TOP1MT: variants seen among roughly 807,000 people sequenced by gnomAD.
The protein encoded by TOP1MT is DNA topoisomerase I, mitochondrial.
TOP1MT carries 80 observed loss-of-function variants against 73.9 expected under a neutral mutation model. The ratio of observed to expected loss-of-function variants is 1.08; its 90% CI spans 0.90 to 1.30. TOP1MT has a LOEUF of 1.30. Among genes scored for constraint, TOP1MT ranks in the 50% most tolerant of loss-of-function variants. The pLI, the probability that TOP1MT is intolerant of heterozygous loss-of-function variation, is 0.00. For synonymous variants in TOP1MT, 338 were observed against 326.4 expected, an observed-to-expected ratio of 1.04 and a Z score of -0.38; for missense variants, 815 against 808.0, an observed-to-expected ratio of 1.01 and a Z score of -0.10.
At position 143,325,333 on chromosome 8, in the gene TOP1MT, C is replaced by A. The variant is rs1451759185; in HGVS notation, c.671+13G>T. The A allele has an allele frequency of 6.3e-7, 1 of 1,577,500 alleles. No individual in the cohort carries two copies. The highest frequency in any genetic ancestry group is 8.7e-7 in the Non-Finnish European group (1 of 1,155,872). ...GGGTCCAGTGCCCGCCTGCTGCCCG[C>A]CCGGCCACGCACCTGCTGCAGTTGA... On this transcript the variant is annotated intron_variant, in intron 5 of 13. Transcript: ENST00000329245.
chr8:143,312,737 A>G (rs1025735086), intron 12 of TOP1MT, among the ~76,000 whole-genome samples: 1 of 152,244 alleles, frequency 6.6e-6, no homozygotes, highest in Admixed American at 6.5e-5. Flanking sequence ...TAAAAGGCAT[A>G]TGATTGGAAA....
chr8:143,321,641 CCACACACAG>C (rs1816380186), intron 7 of TOP1MT, among the ~76,000 whole-genome samples: 1 of 75,096 alleles, frequency 1.3e-5, no homozygotes, highest in East Asian at 7.0e-4. Flanking sequence ...CACAGGCACG[CCACACACAG>C]GCACGCCACA....
In TOP1MT at chr8:143,333,109, T is replaced by A. The variant is rs148663582; in HGVS notation, c.122+1631A>T. Among the ~76,000 whole-genome samples, 743 of 151,882 alleles carry A rather than the reference T, an allele frequency of 4.9e-3. 3 individuals carry two copies. The highest frequency in any genetic ancestry group is 0.017 in the African/African-American group (715 of 41,412). ...TTCTTAGAGAATAAGGGAAGATGGA[T>A]CATGTCGGGTGTGAGAAAATGGGAA... is the stretch of plus-strand genomic sequence containing the variant. On this transcript the variant is annotated intron_variant, in intron 1 of 13. Transcript: ENST00000329245.
rs28460765 is a variant in TOP1MT, at chr8:143,354,827, G to A, written c.-39+1138C>T. ...ACCAGAACAGGTCCAGAGCAAGTCC[G>A]GGGCTGCTGCATGGTCAGACCACAC... On this transcript the variant is annotated intron_variant, in intron 1 of 5. Transcript: ENST00000518760. Among the ~76,000 whole-genome samples, 186 of 152,222 alleles carry A rather than the reference G, an allele frequency of 1.2e-3. 1 individual carries two copies. The highest frequency in any genetic ancestry group is 4.4e-3 in the African/African-American group (181 of 41,512).
chr8:143,322,993 C>T (rs1412440692), intron 7 of TOP1MT, among the ~76,000 whole-genome samples: 23 of 126,350 alleles, frequency 1.8e-4, no homozygotes, highest in African/African-American at 6.5e-4. Flanking sequence ...CACACACGCA[C>T]GCCACACACA....
Position 143,325,352 on chromosome 8 carries a change from C to A in TOP1MT, c.665G>T (p.Cys222Phe). 1.3e-6 allele frequency: 2 copies of A among 1,587,352 alleles called. No individual in the cohort carries two copies. The highest frequency in any genetic ancestry group is 1.7e-6 in the Non-Finnish European group (2 of 1,159,734). The change falls in exon 5 of 14, where the codon TGC becomes TTC. Residue 222 changes from cysteine to phenylalanine, a missense_variant. Cys to Phe is a radical substitution (Grantham distance 205). Around this residue, in one of 3 missense-constraint regions of TOP1MT, gnomAD observed 751 missense variants for 725.4 expected, o/e 1.04. Transcript: ENST00000329245. ...RITPEDVVIN[C>F]SRDSKIPEPP... ...TGCCCGCCCGGCCACGCACCTGCTG[C>A]AGTTGATAACCACATCCTCTGGCGT...
chr8:143,322,472 C>CA (rs1816474411), intron 7 of TOP1MT, among the ~76,000 whole-genome samples: 2 of 113,158 alleles, frequency 1.8e-5, no homozygotes, highest in African/African-American at 3.5e-5. Flanking sequence ...CACAGGCACG[C>CA]CACACAGGCA....
chr8:143,325,333 C>T lies in TOP1MT; in HGVS notation c.671+13G>A. 6.3e-7 allele frequency: 1 copy of T among 1,577,500 alleles called. No homozygotes were observed. Among genetic ancestry groups the T allele is most frequent in the Non-Finnish European group, 8.7e-7 (1 of 1,155,872 alleles). On this transcript the variant is annotated intron_variant, in intron 5 of 13. Coordinates refer to ENST00000329245, the MANE Select transcript of TOP1MT (RefSeq NM_052963.3). ...GGGTCCAGTGCCCGCCTGCTGCCCG[C>T]CCGGCCACGCACCTGCTGCAGTTGA...
At chr8:143,323,269 C>T (rs1362352788) in intron 7 of TOP1MT, among the ~76,000 whole-genome samples, 8 of 108,924 alleles carry the variant, frequency 7.3e-5, no homozygotes, top group African/African-American at 2.5e-4. Context: ...CACACATGCA[C>T]GCCACACACG....
At chr8:143,330,728 G>A (rs1052234220) in intron 2 of TOP1MT, among the ~76,000 whole-genome samples, 2 of 152,156 alleles carry the variant, frequency 1.3e-5, no homozygotes, top group African/African-American at 2.4e-5. Context: ...TAGAGAGGAG[G>A]GCTCAAGGGC....
chr8:143,311,098 A>G (rs1007462008), intron 12 of TOP1MT, among the ~76,000 whole-genome samples: 2 of 148,980 alleles, frequency 1.3e-5, no homozygotes, highest in African/African-American at 2.5e-5. Flanking sequence ...GACTACAGGC[A>G]TGTGCCACCA....
chr8:143,335,768 A>G (rs1002513858), upstream of TOP1MT, among the ~76,000 whole-genome samples: 1 of 152,238 alleles, frequency 6.6e-6, no homozygotes, highest in Non-Finnish European at 1.5e-5. Context: ...AATGCAGTGG[A>G]CACAGGCAGG....
chr8:143,321,101 G>T, intron 8 of TOP1MT, 100 bp downstream of exon 8: 2 of 1,297,276 alleles, frequency 1.5e-6, no homozygotes, highest in Non-Finnish European at 2.1e-6. Context: ...GCAGGACGTG[G>T]CAAACGGGCC....
Position 143,329,313 on chromosome 8 carries a change from G to T in TOP1MT, c.360+37C>A, listed in dbSNP as rs781218069. ...GAACCGCAGACGCCTAGCCAGCCAG[G>T]TCCAGGACAGCTGTGGCGGCCGCCC... On this transcript the variant is annotated intron_variant, in intron 3 of 13. Coordinates refer to ENST00000329245, the MANE Select transcript of TOP1MT (RefSeq NM_052963.3). The T allele has an allele frequency of 8.3e-6, 13 of 1,568,402 alleles. No homozygotes were observed. The Admixed American group carries it at 2.6e-4, about 32-fold the overall frequency.
upstream of TOP1MT, among the ~76,000 whole-genome samples, chr8:143,358,873 T>C (rs1342489781): frequency 6.6e-6 from 1 of 152,248 alleles, no homozygotes; most frequent in Non-Finnish European, 1.5e-5. Context: ...TGCTTATTCC[T>C]GACCCCATTA....
rs369155454 is a variant in TOP1MT at position 143,318,084 on chromosome 8, C to T, written c.1149G>A (p.Val383=). The T allele has an allele frequency of 4.6e-5, 74 of 1,613,912 alleles. No homozygotes were observed. The East Asian group carries it at 1.5e-3, about 33-fold the overall frequency. The change falls in exon 9 of 14, where the codon GTG becomes GTA. Residue 383 remains valine (V), a splice_region_variant and synonymous_variant. Transcript: ENST00000329245. ...YYNRVPVEKP[V]YKNLQLFMEN... is the part of the protein sequence containing the mutation. ...CCATAAAGAGCTGTAAGTTCTTGTACACCTGAAGGAGAAAGAAGGAATTTC... is the reference window on the plus strand; with the variant it reads ...CCATAAAGAGCTGTAAGTTCTTGTATACCTGAAGGAGAAAGAAGGAATTTC...
chr8:143,348,234 TAGTG>T (rs1259424333), upstream of TOP1MT, among the ~76,000 whole-genome samples: 1 of 152,026 alleles, frequency 6.6e-6, no homozygotes, highest in Non-Finnish European at 1.5e-5. This position sits in a 1 kb window ranked among gnomAD's most constrained non-coding sequence, Gnocchi z 4.6. Context: ...TTGTCACAAA[TAGTG>T]AGCAGCAGAC....
upstream of TOP1MT, among the ~76,000 whole-genome samples, chr8:143,345,684 T>C (rs1282099319): frequency 2.0e-5 from 3 of 152,222 alleles, no homozygotes; most frequent in Admixed American, 1.3e-4. Context: ...AAGAATACAT[T>C]ACATAGTACC....
At chr8:143,349,742 G>C (rs1377520581), upstream of TOP1MT, among the ~76,000 whole-genome samples, 1 of 151,680 alleles carries the variant, frequency 6.6e-6, no homozygotes, top group Non-Finnish European at 1.5e-5. Flanking sequence ...GTGGGTTCAA[G>C]TAATTCTTCT....
Sources: allele counts gnomAD v4.1 joint callset (sites outside exome capture counted in the v4.1 genomes callset), GRCh38; gene constraint gnomAD v4.1.1; regional missense constraint gnomAD v4.1.1; non-coding constraint Gnocchi (gnomAD v3.1); transcripts MANE v1.5; gene names NCBI Gene and HGNC (gene_info 2026-07-23, HGNC 2026-07-21).